The following TSHZ2 variants were observed in gnomAD, a reference collection of about 807,000 sequenced individuals.
TSHZ2 encodes the protein teashirt homolog 2.
TSHZ2 carries 21 observed loss-of-function variants against 74.4 expected under a neutral mutation model. That is an observed-to-expected ratio of 0.28 (90% CI 0.20 to 0.41). TSHZ2 has a LOEUF of 0.41. Ranked by LOEUF, TSHZ2 falls within the 10% of genes least tolerant of loss-of-function variation. The probability of loss-of-function intolerance (pLI) is 1.00; values close to 1 mark genes in which losing one functional copy is unlikely to be tolerated. For synonymous variants in TSHZ2, 540 were observed against 515.3 expected (o/e 1.05, Z -0.65); for missense variants, 1,244 against 1,293.5 (o/e 0.96, Z 0.59).
intron 1 of TSHZ2, among the ~76,000 whole-genome samples, chr20:53,236,736 A>C (rs1989948160): frequency 6.6e-6 from 1 of 152,250 alleles, no homozygotes; most frequent in Non-Finnish European, 1.5e-5. Flanking sequence ...TTACTTGAGA[A>C]GCCTCAGGAA....
intron 1 of TSHZ2, among the ~76,000 whole-genome samples, chr20:52,983,629 G>A (rs1017866884): frequency 2.6e-5 from 4 of 152,182 alleles, no homozygotes; most frequent in African/African-American, 9.7e-5. Flanking sequence ...CTTAGAATAT[G>A]TTTCAAATGA....
At chr20:53,377,635 G>A (rs565190157) in intron 2 of TSHZ2, among the ~76,000 whole-genome samples, 6 of 152,212 alleles carry the variant, frequency 3.9e-5, no homozygotes, top group Non-Finnish European at 7.4e-5. Flanking sequence ...CAAGGAGGGC[G>A]GATCACTTTA....
intron 2 of TSHZ2, among the ~76,000 whole-genome samples, chr20:53,484,472 G>A (rs189908361): frequency 3.0e-4 from 43 of 145,096 alleles, no homozygotes; most frequent in Admixed American, 1.9e-3. Context: ...TACAACCTCC[G>A]CCTCCCAGGT....
At chr20:53,205,278 G>A (rs140786733) in intron 1 of TSHZ2, among the ~76,000 whole-genome samples, 33 of 152,234 alleles carry the variant, frequency 2.2e-4, no homozygotes, top group Admixed American at 1.0e-3. Flanking sequence ...TCCAACATGC[G>A]CCTAAGCTTA....
chr20:53,293,066 AAT>A (rs1272981575), intron 2 of TSHZ2, among the ~76,000 whole-genome samples: 1 of 152,216 alleles, frequency 6.6e-6, no homozygotes, highest in African/African-American at 2.4e-5. Context: ...CAAGAGCAAG[AAT>A]TTGAAACCCA....
chr20:53,292,380 C>T (rs1400645555), intron 2 of TSHZ2, among the ~76,000 whole-genome samples: 4 of 151,998 alleles, frequency 2.6e-5, no homozygotes, highest in Non-Finnish European at 5.9e-5. Context: ...CTCTAGCCTT[C>T]CAAGAACTCT....
intron 2 of TSHZ2, among the ~76,000 whole-genome samples, chr20:53,473,372 G>A (rs1985889187): frequency 7.0e-6 from 1 of 142,732 alleles, no homozygotes; most frequent in Non-Finnish European, 1.5e-5. Context: ...CAGCCTAACT[G>A]GCAGGCACCC....
chr20:53,273,116 G>A (rs1010541254), intron 2 of TSHZ2, among the ~76,000 whole-genome samples: 1 of 152,214 alleles, frequency 6.6e-6, no homozygotes, highest in Non-Finnish European at 1.5e-5. Context: ...TCCAGTGGTG[G>A]GACATGAATT....
intron 1 of TSHZ2, among the ~76,000 whole-genome samples, chr20:53,005,852 A>T (rs1308821966): frequency 6.6e-6 from 1 of 152,212 alleles, no homozygotes; most frequent in Non-Finnish European, 1.5e-5. Context: ...AATTTAAGAT[A>T]AGATAAGCCC....
intron 2 of TSHZ2, among the ~76,000 whole-genome samples, chr20:53,464,068 C>T (rs887824279): frequency 2.6e-5 from 4 of 152,158 alleles, no homozygotes; most frequent in African/African-American, 9.7e-5. Flanking sequence ...TACTTTCATT[C>T]TGATGATTCT....
rs78549219 is a variant in TSHZ2 at position 53,216,716 on chromosome 20, G to A, written c.41-36783G>A. 1.2e-3 allele frequency among the ~76,000 whole-genome samples: 186 copies of A among 152,300 alleles called. 6 individuals are homozygous for A. The East Asian group carries it at 0.03, about 24-fold the overall frequency. On this transcript the variant is annotated intron_variant, in intron 1 of 2. Transcript: ENST00000371497. ...TGATTTGTCACCTGGAGAACACAGC[G>A]CAGACATGTTTGGCTGCTTTAATAT... is the stretch of plus-strand genomic sequence containing the variant.
At chr20:53,271,221 C>G (rs1384112482) in intron 2 of TSHZ2, among the ~76,000 whole-genome samples, 1 of 152,184 alleles carries the variant, frequency 6.6e-6, no homozygotes, top group Admixed American at 6.5e-5. Context: ...GGTCCTGGAA[C>G]TGCTGGAGTC....
intron 2 of TSHZ2, among the ~76,000 whole-genome samples, chr20:53,323,920 A>G (rs190319804): frequency 8.5e-5 from 13 of 152,234 alleles, no homozygotes; most frequent in Middle Eastern, 3.4e-3. Context: ...ACATCATTTA[A>G]GACCAACTGA....
At chr20:53,128,612 G>A (rs1373766006) in intron 1 of TSHZ2, among the ~76,000 whole-genome samples, 1 of 151,216 alleles carries the variant, frequency 6.6e-6, no homozygotes, top group African/African-American at 2.5e-5. Flanking sequence ...TCAATACCCA[G>A]AGAAATGAGC....
At chr20:53,031,349 G>A (rs891361338) in intron 1 of TSHZ2, among the ~76,000 whole-genome samples, 1 of 152,148 alleles carries the variant, frequency 6.6e-6, no homozygotes, top group Non-Finnish European at 1.5e-5. Flanking sequence ...CAAATTATAG[G>A]AGGCCTCCTC....
intron 2 of TSHZ2, among the ~76,000 whole-genome samples, chr20:53,335,441 C>T (rs1351109816): frequency 6.6e-6 from 1 of 152,252 alleles, no homozygotes; most frequent in African/African-American, 2.4e-5. Flanking sequence ...TGGCCCCACT[C>T]AGTCCTTTCT....
At chr20:53,387,356 G>T (rs1305807058) in intron 2 of TSHZ2, among the ~76,000 whole-genome samples, 1 of 152,186 alleles carries the variant, frequency 6.6e-6, no homozygotes, top group Non-Finnish European at 1.5e-5. Flanking sequence ...ATCATCTTAA[G>T]ATCTGTTTTA....
chr20:53,424,386 A>C (rs1320308900), intron 2 of TSHZ2, among the ~76,000 whole-genome samples: 1 of 152,220 alleles, frequency 6.6e-6, no homozygotes, highest in African/African-American at 2.4e-5. Flanking sequence ...AGAATAACAA[A>C]ACAGCCCTGA....
intron 2 of TSHZ2, among the ~76,000 whole-genome samples, chr20:53,409,579 C>CTTGTT (rs1379864416): frequency 1.3e-5 from 2 of 152,024 alleles, no homozygotes; most frequent in African/African-American, 2.4e-5. Flanking sequence ...TGATGTAGTC[C>CTTGTT]TTGTTTTCAG....
Sources: gnomAD v4.1 joint callset for allele counts (sites outside exome capture counted in the v4.1 genomes callset) on GRCh38, gnomAD v4.1.1 for gene constraint, MANE v1.5 for transcripts, NCBI Gene and HGNC (gene_info 2026-07-23, HGNC 2026-07-21) for gene names.